The following CFAP69 variants were observed in gnomAD, a reference collection of about 807,000 sequenced individuals.
CFAP69 encodes the protein cilia- and flagella-associated protein 69.
CFAP69 carries 92 observed loss-of-function variants against 123.0 expected under a neutral mutation model. The ratio of observed to expected loss-of-function variants is 0.75; its 90% CI spans 0.63 to 0.89. CFAP69 has a LOEUF of 0.89. Ranked by LOEUF, CFAP69 falls within the 40% of genes least tolerant of loss-of-function variation. The probability of loss-of-function intolerance (pLI) is 0.00; values close to 1 mark genes in which losing one functional copy is unlikely to be tolerated. For synonymous variants in CFAP69, 380 were observed against 364.3 expected (o/e 1.04, Z -0.49); for missense variants, 1,067 against 1,096.9 (o/e 0.97, Z 0.39).
intron 22 of CFAP69, 143 bp downstream of exon 22, chr7:90,309,510 T>C (rs1374961838): frequency 7.1e-6 from 3 of 423,962 alleles, no homozygotes; most frequent in Non-Finnish European, 1.2e-5. Flanking sequence ...TCAATAAAAC[T>C]GTTCAAAAAA....
chr7:90,310,110 C>G lies in CFAP69; in HGVS notation c.2698C>G (p.Arg900Gly). The change falls in exon 23 of 23, where the codon CGA (arginine) becomes GGA (glycine). Residue 900 changes from arginine to glycine, a missense_variant. Arg to Gly is a moderately radical substitution (Grantham distance 125). Coordinates refer to ENST00000389297, the MANE Select transcript of CFAP69 (RefSeq NM_001039706.3). ...GVVTVESTPA[R>G]LVGGPLVDTD... is the part of the protein sequence containing the mutation. ...AGTAACAGTGGAAAGCACTCCTGCC[C>G]GATTAGTAGGAGGACCTCTGGTTGA... 2 of 1,613,622 alleles carry G rather than the reference C, an allele frequency of 1.2e-6. No individual in the cohort carries two copies. Among genetic ancestry groups the G allele is most frequent in the Non-Finnish European group, 1.7e-6 (2 of 1,179,740 alleles).
rs372422328 is a variant in CFAP69, at chr7:90,268,315, T to C, written c.463T>C (p.Leu155=). 2.9e-5 allele frequency: 47 copies of C among 1,609,332 alleles called. No individual in the cohort carries two copies. The highest frequency in any genetic ancestry group is 3.7e-5 in the Non-Finnish European group (44 of 1,178,422). The part of the protein sequence containing the change: ...GDLMKIPSSE[L]RIQICKCIVD... ...CTTAATGAAAATACCAAGTTCTGAA[T>C]TGAGGATACAAATTTGTAAGTGTAT... is the stretch of plus-strand genomic sequence containing the variant. The change falls in exon 6 of 23, where the codon TTG becomes CTG. Residue 155 remains leucine (L), a synonymous_variant. Transcript: ENST00000389297.
intron 4 of CFAP69, among the ~76,000 whole-genome samples, chr7:90,264,712 A>C (rs766246398): frequency 6.6e-6 from 1 of 152,054 alleles, no homozygotes; most frequent in Non-Finnish European, 1.5e-5. Flanking sequence ...GGCTTTCTTA[A>C]CCTATGCCTT....
rs746523978 is a variant in CFAP69 at position 90,307,804 on chromosome 7, AAAT to A, written c.2501_2503del (p.Lys834_Ser835delinsThr). 1.9e-6 allele frequency: 3 copies of A among 1,612,126 alleles called. No homozygotes were observed. The African/African-American group carries it at 4.0e-5, about 22-fold the overall frequency. On this transcript the variant is annotated inframe_deletion, in exon 21 of 23. Coordinates refer to ENST00000389297, the MANE Select transcript of CFAP69 (RefSeq NM_001039706.3). ...GCACAAGCAAAGAGAGCTGGCTAAT[AAAT>A]CATGGGAAGATTTCTTGGCTAGAAC...
intron 17 of CFAP69, chr7:90,300,291 T>A (rs1340583544): frequency 1.2e-6 from 1 of 848,342 alleles, no homozygotes; most frequent in African/African-American, 3.9e-5. Context: ...TTAATTATAT[T>A]CTTTTAACTA....
intron 17 of CFAP69, 105 bp downstream of exon 17, chr7:90,300,164 GTT>G (rs11413344): frequency 9.8e-5 from 105 of 1,071,854 alleles, no homozygotes; most frequent in Admixed American, 2.4e-4. Context: ...TTTGTCTAAA[GTT>G]TTTTTTTTTT....
intron 3 of CFAP69, among the ~76,000 whole-genome samples, chr7:90,258,480 C>T (rs1197453330): frequency 6.6e-6 from 1 of 152,146 alleles, no homozygotes; most frequent in Non-Finnish European, 1.5e-5. Context: ...GCATCACTCT[C>T]ACCTCTGCTG....
the CFAP69 span, chr7:90,317,373 T>C: frequency 6.6e-6 from 1 of 152,108 alleles, no homozygotes; most frequent in Admixed American, 6.6e-5. Context: ...AAATCACTCA[T>C]GTTTACACGC....
intron 2 of CFAP69, among the ~76,000 whole-genome samples, chr7:90,257,634 C>T (rs999782651): frequency 1.3e-5 from 2 of 152,182 alleles, no homozygotes; most frequent in Non-Finnish European, 2.9e-5. Flanking sequence ...TGATATTTGT[C>T]TTTCTAAACA....
chr7:90,274,341 T>C (rs937892160), intron 9 of CFAP69, among the ~76,000 whole-genome samples: 1 of 152,220 alleles, frequency 6.6e-6, no homozygotes, highest in African/African-American at 2.4e-5. Context: ...TTACCACTTA[T>C]GATGCTTTTC....
At chr7:90,273,925 G>T in intron 8 of CFAP69, 62 bp from the exon 9 acceptor site, 1 of 1,267,794 alleles carries the variant, frequency 7.9e-7, no homozygotes, top group Non-Finnish European at 1.1e-6. Flanking sequence ...TATGAATTTT[G>T]GAGGGACGCA....
chr7:90,306,564 T>A (rs1363087579), intron 19 of CFAP69, among the ~76,000 whole-genome samples: 1 of 152,100 alleles, frequency 6.6e-6, no homozygotes, highest in African/African-American at 2.4e-5. Context: ...TAACGATAGT[T>A]CAGAAAGATC....
rs1213664433 is a variant in CFAP69 at position 90,245,264 on chromosome 7, C to T, written c.-161C>T. The T allele has an allele frequency of 4.3e-6, 4 of 929,590 alleles. No individual in the cohort carries two copies. The highest frequency in any genetic ancestry group is 3.5e-4 in the Middle Eastern group (1 of 2,868). The allele number at this position is 929,590 out of a possible 1,614,324, so 57.6% of individuals were successfully genotyped here. A position where few individuals can be genotyped will look rare whatever the true frequency, so the allele number is the denominator to read the frequency against. ...CAGCGGCGCTAAGCGGACTGTATGG[C>T]GGTGGCCTAGGCCCCTGGCGGAATT... On this transcript the variant is annotated 5_prime_UTR_variant, in exon 1 of 23. Transcript: ENST00000389297.
intron 3 of CFAP69, among the ~76,000 whole-genome samples, chr7:90,261,012 G>A (rs1306671709): frequency 6.6e-6 from 1 of 151,950 alleles, no homozygotes; most frequent in Non-Finnish European, 1.5e-5. Flanking sequence ...ACCAAGAAGT[G>A]TAAGTCACAT....
At chr7:90,265,595 T>A (rs1452756541) in intron 5 of CFAP69, among the ~76,000 whole-genome samples, 6 of 152,210 alleles carry the variant, frequency 3.9e-5, no homozygotes, top group Admixed American at 3.9e-4. Flanking sequence ...ATCTTCTAAG[T>A]ACAAGGACAG....
intron 4 of CFAP69, among the ~76,000 whole-genome samples, chr7:90,264,186 C>G (rs1003731624): frequency 6.6e-5 from 9 of 135,790 alleles, no homozygotes; most frequent in African/African-American, 1.9e-4. Flanking sequence ...ATATATTGTA[C>G]TTTAAATAGT....
intron 17 of CFAP69, chr7:90,303,514 C>A: frequency 1.1e-6 from 1 of 926,592 alleles, no homozygotes; most frequent in Non-Finnish European, 1.3e-6. Flanking sequence ...AATGTAAATA[C>A]TTCCCCTTCT....
intron 6 of CFAP69, 84 bp downstream of exon 6, chr7:90,268,468 C>T: frequency 1.0e-6 from 1 of 991,872 alleles, no homozygotes; most frequent in Non-Finnish European, 1.5e-6. Context: ...TTGACAGACA[C>T]AGTGGGCTCA....
chr7:90,293,889 T>C (rs1342536110), intron 15 of CFAP69, among the ~76,000 whole-genome samples: 1 of 152,216 alleles, frequency 6.6e-6, no homozygotes, highest in Non-Finnish European at 1.5e-5. Flanking sequence ...CATAGTGGCA[T>C]TTTATGAAGC....
Sources: allele counts gnomAD v4.1 joint callset (sites outside exome capture counted in the v4.1 genomes callset), GRCh38; gene constraint gnomAD v4.1.1; transcripts MANE v1.5; gene names NCBI Gene and HGNC (gene_info 2026-07-23, HGNC 2026-07-21).